The following TRPC6 variants were observed in gnomAD, a reference collection of about 807,000 sequenced individuals.
TRPC6 encodes the protein transient receptor potential cation channel subfamily C member 6, also known as short transient receptor potential channel 6.
Under a neutral mutation model 90.7 loss-of-function variants are expected in TRPC6, and 55 were observed. The ratio of observed to expected loss-of-function variants is 0.61; its 90% CI spans 0.49 to 0.76. The LOEUF (loss-of-function observed/expected upper bound fraction) is 0.76. Ranked by LOEUF, TRPC6 falls within the 30% of genes least tolerant of loss-of-function variation. The pLI is 0.00. For missense variants in TRPC6, 989 were observed against 1,122.7 expected, an observed-to-expected ratio of 0.88 and a Z score of 1.70; for synonymous variants, 393 against 393.0, an observed-to-expected ratio of 1.00 and a Z score of 0.00.
intron 10 of TRPC6, among the ~76,000 whole-genome samples, chr11:101,458,500 A>ATAGAC (rs1272059385): frequency 1.3e-5 from 2 of 152,226 alleles, no homozygotes; most frequent in Non-Finnish European, 2.9e-5. Flanking sequence ...TACACATGTA[A>ATAGAC]TAGACTATGG....
At chr11:101,566,493 A>G (rs1312703057) in intron 1 of TRPC6, among the ~76,000 whole-genome samples, 4 of 152,230 alleles carry the variant, frequency 2.6e-5, no homozygotes, top group East Asian at 3.8e-4. Flanking sequence ...GTTTATTTAC[A>G]TATCTTGTTT....
chr11:101,495,236 T>C (rs1329342231), intron 2 of TRPC6, among the ~76,000 whole-genome samples: 1 of 152,216 alleles, frequency 6.6e-6, no homozygotes, highest in African/African-American at 2.4e-5. Flanking sequence ...AAAATGATCC[T>C]TTCGGAAGTT....
intron 1 of TRPC6, among the ~76,000 whole-genome samples, chr11:101,555,853 G>C (rs1475949317): frequency 3.3e-5 from 5 of 152,080 alleles, no homozygotes; most frequent in East Asian, 1.9e-4. Flanking sequence ...TCACTTGTTA[G>C]GGCACGAAAT....
At chr11:101,554,025 G>A (rs4237602) in intron 1 of TRPC6, among the ~76,000 whole-genome samples, 36,600 of 152,002 alleles carry the variant, frequency 0.24, 4,729 homozygotes, top group East Asian at 0.4. Flanking sequence ...CAATGCACAT[G>A]GAAATACAGA....
At chr11:101,502,207 G>A (rs1358088305) in intron 2 of TRPC6, among the ~76,000 whole-genome samples, 3 of 152,000 alleles carry the variant, frequency 2.0e-5, no homozygotes, top group African/African-American at 7.2e-5. Flanking sequence ...ATGCATTTAG[G>A]GACCATGAAG....
chr11:101,468,959 T>C (rs1859218717), intron 10 of TRPC6, among the ~76,000 whole-genome samples: 1 of 152,206 alleles, frequency 6.6e-6, no homozygotes, highest in Non-Finnish European at 1.5e-5. Context: ...GTGAAGGAGC[T>C]GATAGATCTC....
chr11:101,544,045 C>A (rs568001817), intron 1 of TRPC6, among the ~76,000 whole-genome samples: 1 of 152,192 alleles, frequency 6.6e-6, no homozygotes, highest in East Asian at 1.9e-4. Flanking sequence ...AAGAAAAAAA[C>A]AACCCCATCA....
intron 1 of TRPC6, among the ~76,000 whole-genome samples, chr11:101,544,894 TTCAGTGG>T (rs1861264612): frequency 6.6e-6 from 1 of 152,008 alleles, no homozygotes; most frequent in Non-Finnish European, 1.5e-5. Context: ...AAAATGTTTG[TTCAGTGG>T]TCTTCAAATT....
chr11:101,579,767 C>T (rs1475778316), intron 1 of TRPC6, among the ~76,000 whole-genome samples: 1 of 152,142 alleles, frequency 6.6e-6, no homozygotes, highest in Admixed American at 6.5e-5. Context: ...TTCTAGCCTA[C>T]ATTTTTATTT....
chr11:101,556,956 A>C (rs1435649996), intron 1 of TRPC6, among the ~76,000 whole-genome samples: 1 of 152,170 alleles, frequency 6.6e-6, no homozygotes, highest in African/African-American at 2.4e-5. Context: ...AGGACAAAAA[A>C]CCATATGGTC....
At chr11:101,568,999 C>A (rs1861895559) in intron 1 of TRPC6, among the ~76,000 whole-genome samples, 1 of 152,108 alleles carries the variant, frequency 6.6e-6, no homozygotes. Flanking sequence ...GGATGAAATT[C>A]ACACATAACA....
At chr11:101,537,742 C>T (rs1861084963) in intron 1 of TRPC6, among the ~76,000 whole-genome samples, 1 of 150,464 alleles carries the variant, frequency 6.6e-6, no homozygotes, top group East Asian at 1.9e-4. Context: ...CCATTTTCTG[C>T]TAGCAAAAAA....
At chr11:101,558,292 TGTATATGG>T (rs1861620225) in intron 1 of TRPC6, among the ~76,000 whole-genome samples, 4 of 139,992 alleles carry the variant, frequency 2.9e-5, no homozygotes, top group Admixed American at 6.9e-5. Context: ...TATGTATACA[TGTATATGG>T]GTATACATGT....
intron 9 of TRPC6, among the ~76,000 whole-genome samples, chr11:101,470,807 G>GCCCCC (rs780988436): frequency 3.1e-5 from 1 of 32,184 alleles, no homozygotes. Context: ...AAGTTGCCCC[G>GCCCCC]CCCCCCCCCC....
At chr11:101,575,777 T>A (rs1179500310) in intron 1 of TRPC6, among the ~76,000 whole-genome samples, 1 of 152,176 alleles carries the variant, frequency 6.6e-6, no homozygotes, top group Non-Finnish European at 1.5e-5. Flanking sequence ...TACTTATTAC[T>A]GCTATTTATG....
rs182700826 is a variant in TRPC6 at position 101,453,273 on chromosome 11, G to A, written c.2645-167C>T. 8.8e-4 allele frequency among the ~76,000 whole-genome samples: 134 copies of A among 152,270 alleles called. 6 individuals carry two copies. In the South Asian group the frequency reaches 0.021, roughly 24 times the overall value. On this transcript the variant is annotated intron_variant, in intron 12 of 12. Transcript: ENST00000344327. ...AGCAGGTTTTTGTTTTCTTAGCTAA[G>A]TGTTTTTGTGAATGAAGAGATTATA...
intron 11 of TRPC6, among the ~76,000 whole-genome samples, chr11:101,454,721 G>C (rs1001861773): frequency 6.6e-6 from 1 of 151,956 alleles, no homozygotes; most frequent in Non-Finnish European, 1.5e-5. Flanking sequence ...CTCACTGGTG[G>C]AATCTGACAT....
intron 6 of TRPC6, among the ~76,000 whole-genome samples, chr11:101,475,497 TA>T (rs1247081878): frequency 1.3e-5 from 2 of 152,270 alleles, no homozygotes; most frequent in South Asian, 4.1e-4. Flanking sequence ...CTAGCCACTA[TA>T]CTGTATATCT....
At chr11:101,559,923 T>G (rs963493579) in intron 1 of TRPC6, among the ~76,000 whole-genome samples, 3 of 152,018 alleles carry the variant, frequency 2.0e-5, no homozygotes, top group African/African-American at 7.2e-5. Flanking sequence ...CTGAGAATGA[T>G]GGTTTCCAGC....
Sources: allele counts gnomAD v4.1 joint callset (sites outside exome capture counted in the v4.1 genomes callset), GRCh38; gene constraint gnomAD v4.1.1; transcripts MANE v1.5; gene names NCBI Gene and HGNC (gene_info 2026-07-23, HGNC 2026-07-21).